The following MOXD1 variants were observed in gnomAD, a reference collection of about 807,000 sequenced individuals.
MOXD1 encodes the protein DBH-like monooxygenase protein 1.
Under a neutral mutation model 66.6 loss-of-function variants are expected in MOXD1, and 62 were observed. The observed-to-expected ratio is 0.93, with a 90% CI of 0.76 to 1.15. The LOEUF (loss-of-function observed/expected upper bound fraction) is 1.15. Among genes scored for constraint, MOXD1 ranks in the 50% most tolerant of loss-of-function variants. The pLI is 0.00. For missense variants in MOXD1, 847 were observed against 754.6 expected (o/e 1.12, Z -1.44); for synonymous variants, 303 against 281.9 (o/e 1.07, Z -0.75).
chr6:132,313,425 C>CA (rs1774873928), intron 10 of MOXD1, among the ~76,000 whole-genome samples: 1 of 151,916 alleles, frequency 6.6e-6, no homozygotes, highest in African/African-American at 2.4e-5. Flanking sequence ...TTGCTGTTTG[C>CA]AAAAAAATTC....
In MOXD1 at chr6:132,322,756, A is replaced by C; in HGVS notation, c.1228T>G (p.Leu410Val). ...TCAAAATCATCATCATAGGCAAGTA[A>C]TTTCATTTCCTTCCCTTTTCGAAAA... is the stretch of plus-strand genomic sequence containing the variant. ...RHFRKGKEMK[L>V]LAYDDDFDFN... The change falls in exon 8 of 12, where the codon TTA (leucine) becomes GTA (valine). Residue 410 changes from leucine to valine, a missense_variant. Physicochemically the swap from Leu to Val is conservative, Grantham distance 32. Coordinates refer to ENST00000367963, the MANE Select transcript of MOXD1 (RefSeq NM_015529.4). 1 of 1,614,126 alleles carries C rather than the reference A, an allele frequency of 6.2e-7. No homozygotes were observed. Among genetic ancestry groups the C allele is most frequent in the Non-Finnish European group, 8.5e-7 (1 of 1,179,990 alleles).
chr6:132,396,281 C>T (rs892446260), intron 1 of MOXD1, among the ~76,000 whole-genome samples: 1 of 152,082 alleles, frequency 6.6e-6, no homozygotes, highest in South Asian at 2.1e-4. Context: ...ACAACATACT[C>T]CTGAATGACC....
chr6:132,388,997 C>A (rs917627038), intron 1 of MOXD1, among the ~76,000 whole-genome samples: 1 of 151,148 alleles, frequency 6.6e-6, no homozygotes, highest in African/African-American at 2.4e-5. Context: ...TGAAACACAC[C>A]TCTACCCTCA....
At chr6:132,308,957 T>A (rs373946126) in intron 10 of MOXD1, among the ~76,000 whole-genome samples, 44 of 152,184 alleles carry the variant, frequency 2.9e-4, no homozygotes, top group African/African-American at 9.9e-4. Flanking sequence ...TGAAAACTGG[T>A]ACAAGACAAG....
At chr6:132,305,081 A>T (rs946341422) in intron 10 of MOXD1, among the ~76,000 whole-genome samples, 2 of 152,328 alleles carry the variant, frequency 1.3e-5, no homozygotes, top group Admixed American at 6.5e-5. Flanking sequence ...AGCAGCAGCC[A>T]GCACTAGGAC....
chr6:132,324,164 C>A (rs1562282293), intron 6 of MOXD1, 67 bp from the exon 7 acceptor site: 2 of 1,502,286 alleles, frequency 1.3e-6, no homozygotes, highest in Admixed American at 2.1e-5. Context: ...CAAGAAAATT[C>A]TTGGTTTGAA....
chr6:132,383,881 C>A (rs541774914), intron 1 of MOXD1, among the ~76,000 whole-genome samples: 6 of 152,124 alleles, frequency 3.9e-5, no homozygotes, highest in East Asian at 1.9e-4. Context: ...GCAAGCCTGG[C>A]CAAAATAGTG....
chr6:132,353,876 TTGTC>T (rs1775858249), intron 4 of MOXD1, among the ~76,000 whole-genome samples: 1 of 152,156 alleles, frequency 6.6e-6, no homozygotes, highest in Non-Finnish European at 1.5e-5. Flanking sequence ...TATTTTTTCT[TTGTC>T]TTTGTTGGAT....
In MOXD1 at chr6:132,324,083, A is replaced by T; in HGVS notation, c.961T>A (p.Ser321Thr). ...PTYEEGLIDN[S>T]GLRLFYTMDI... ...ATTGTGTAAAATAACCTCAGTCCAG[A>T]ATTATCTATTAAGCCTAGAACAAAA... Residue 321 changes from serine (S) to threonine (T), a missense_variant, in exon 7 of 12, where the codon TCT (serine) becomes ACT (threonine). Coordinates refer to ENST00000367963, the MANE Select transcript of MOXD1 (RefSeq NM_015529.4). 6.2e-7 allele frequency: 1 copy of T among 1,613,312 alleles called. No individual in the cohort carries two copies. The highest frequency in any genetic ancestry group is 8.5e-7 in the Non-Finnish European group (1 of 1,179,644).
intron 4 of MOXD1, among the ~76,000 whole-genome samples, chr6:132,348,537 T>C (rs1441419173): frequency 6.6e-6 from 1 of 152,232 alleles, no homozygotes; most frequent in Non-Finnish European, 1.5e-5. Context: ...AAATAACTTT[T>C]GCAATTAATA....
chr6:132,332,006 C>G (rs1285241361), intron 4 of MOXD1, among the ~76,000 whole-genome samples: 1 of 152,178 alleles, frequency 6.6e-6, no homozygotes, highest in Admixed American at 6.5e-5. Context: ...CTCAGAGGTG[C>G]AGTGCCAGAC....
At chr6:132,371,512 C>G (rs1346385207) in intron 4 of MOXD1, among the ~76,000 whole-genome samples, 1 of 152,006 alleles carries the variant, frequency 6.6e-6, no homozygotes, top group African/African-American at 2.4e-5. Context: ...CAAAAGAAAA[C>G]TAGGGAAATA....
intron 4 of MOXD1, among the ~76,000 whole-genome samples, chr6:132,335,098 C>T (rs1340040611): frequency 6.6e-6 from 1 of 152,052 alleles, no homozygotes; most frequent in Non-Finnish European, 1.5e-5. Flanking sequence ...AGAATGAGAT[C>T]TTTGACAAAA....
rs188985807 is a variant in MOXD1, at chr6:132,370,300, T to A, written c.663+2308A>T. Among the ~76,000 whole-genome samples the A allele has an allele frequency of 7.2e-5, 11 of 152,190 alleles. 1 individual carries two copies. Among genetic ancestry groups the A allele is most frequent in the Admixed American group, 3.3e-4 (5 of 15,258 alleles). On this transcript the variant is annotated intron_variant, in intron 4 of 11. Coordinates refer to ENST00000367963, the MANE Select transcript of MOXD1 (RefSeq NM_015529.4). Reference sequence around the variant, plus strand: ...TGGAAATCAGACAACTTAAGGCAAGTCCTAGATTTATGAATTCTACATCAT... The same window carrying A: ...TGGAAATCAGACAACTTAAGGCAAGACCTAGATTTATGAATTCTACATCAT...
In MOXD1 at chr6:132,297,937, G is replaced by C. The variant is rs762544732; in HGVS notation, c.1527C>G (p.Ile509Met). 2 of 1,608,578 alleles carry C rather than the reference G, an allele frequency of 1.2e-6. No individual in the cohort carries two copies. Among genetic ancestry groups the C allele is most frequent in the South Asian group, 2.2e-5 (2 of 89,942 alleles). Residue 509 changes from isoleucine to methionine, a missense_variant, in exon 11 of 12, where the codon ATC becomes ATG. Ile to Met is a conservative substitution (Grantham distance 10). Transcript: ENST00000367963. Reference protein sequence around the residue: ...YRPVTTWPFIIKSPKQYKNLS... With the variant: ...YRPVTTWPFIMKSPKQYKNLS... ...GGTTTTTATATTGCTTGGGACTTTTGATAATGAAAGGCCAGGTCCTGAATT... is the reference window on the plus strand; with the variant it reads ...GGTTTTTATATTGCTTGGGACTTTTCATAATGAAAGGCCAGGTCCTGAATT...
chr6:132,300,917 C>T (rs1219120258), intron 10 of MOXD1, among the ~76,000 whole-genome samples: 2 of 152,086 alleles, frequency 1.3e-5, no homozygotes, highest in Non-Finnish European at 1.5e-5. Flanking sequence ...AATAAACATC[C>T]TACTTGTCAT....
intron 1 of MOXD1, chr6:132,392,057 G>A (rs1361499986): frequency 2.3e-6 from 2 of 882,640 alleles, no homozygotes; most frequent in Non-Finnish European, 3.3e-6. Flanking sequence ...GCTGTGTCAG[G>A]GTTGCACACT....
chr6:132,298,465 T>C (rs1313272809), intron 10 of MOXD1, among the ~76,000 whole-genome samples: 1 of 152,204 alleles, frequency 6.6e-6, no homozygotes, highest in Non-Finnish European at 1.5e-5. Flanking sequence ...TCAAGAAACC[T>C]GCAGGTTCCT....
intron 1 of MOXD1, among the ~76,000 whole-genome samples, chr6:132,384,117 A>C (rs1776565551): frequency 6.6e-6 from 1 of 151,978 alleles, no homozygotes; most frequent in Non-Finnish European, 1.5e-5. Context: ...TTTGCAAGGA[A>C]TAAATTTTGA....
Sources: allele counts gnomAD v4.1 joint callset (sites outside exome capture counted in the v4.1 genomes callset), GRCh38; gene constraint gnomAD v4.1.1; transcripts MANE v1.5; gene names NCBI Gene and HGNC (gene_info 2026-07-23, HGNC 2026-07-21).